NPR3: variants seen among roughly 807,000 people sequenced by gnomAD.
The protein encoded by NPR3 is atrial natriuretic peptide receptor 3.
Under a neutral mutation model 54.5 loss-of-function variants are expected in NPR3, and 34 were observed. The observed-to-expected ratio is 0.62, with a 90% CI of 0.47 to 0.83. The LOEUF (loss-of-function observed/expected upper bound fraction) is 0.83. NPR3 is among the 40% of genes least tolerant of loss of function. The probability of loss-of-function intolerance (pLI) is 0.00; values close to 1 mark genes in which losing one functional copy is unlikely to be tolerated. For synonymous variants in NPR3, 289 were observed against 297.1 expected, an observed-to-expected ratio of 0.97 and a Z score of 0.28; for missense variants, 674 against 720.8, an observed-to-expected ratio of 0.94 and a Z score of 0.74.
chr5:32,769,868 A>G (rs907347735), intron 3 of NPR3, among the ~76,000 whole-genome samples: 2 of 152,230 alleles, frequency 1.3e-5, no homozygotes, highest in African/African-American at 4.8e-5. Flanking sequence ...TGAGGGATTC[A>G]TCTAACTATG....
chr5:32,699,034 T>C (rs945323974), intron 1 of NPR3, among the ~76,000 whole-genome samples: 8 of 152,210 alleles, frequency 5.3e-5, no homozygotes, highest in African/African-American at 1.7e-4. Flanking sequence ...TCTGGTTATT[T>C]TGTGGTTTTC....
At chr5:32,762,263 T>G (rs1481871425) in intron 3 of NPR3, among the ~76,000 whole-genome samples, 2 of 152,062 alleles carry the variant, frequency 1.3e-5, no homozygotes, top group Non-Finnish European at 2.9e-5. Flanking sequence ...TACATGTGCA[T>G]GTGTCTTTAT....
intron 3 of NPR3, among the ~76,000 whole-genome samples, chr5:32,773,984 T>C (rs1741903483): frequency 6.6e-6 from 1 of 152,222 alleles, no homozygotes; most frequent in Admixed American, 6.5e-5. Context: ...TTAAGTTTCC[T>C]GAGGGCAAGG....
At chr5:32,724,464 GGTGTCTCATGAGTCT>G (rs1431026742) in intron 1 of NPR3, among the ~76,000 whole-genome samples, 1 of 152,310 alleles carries the variant, frequency 6.6e-6, no homozygotes, top group East Asian at 1.9e-4. Context: ...TGTTATTCCA[GGTGTCTCATGAGTCT>G]GTGTTCCCAT....
At chr5:32,741,954 G>T (rs1047386832) in intron 3 of NPR3, among the ~76,000 whole-genome samples, 1 of 151,448 alleles carries the variant, frequency 6.6e-6, no homozygotes, top group Non-Finnish European at 1.5e-5. Flanking sequence ...GAGTGATCCT[G>T]GTAAGTATCA....
rs1005099347 is a variant in NPR3, at chr5:32,747,743, G to A, written c.1059+8713G>A. On this transcript the variant is annotated intron_variant, in intron 3 of 7. Transcript: ENST00000265074. ...TAAATTTCCCCGTGGTTTTGAAGAAGAAAGGAGGCATGCATTTTTTTTTTT... is the reference window on the plus strand; with the variant it reads ...TAAATTTCCCCGTGGTTTTGAAGAAAAAAGGAGGCATGCATTTTTTTTTTT... Among the ~76,000 whole-genome samples, 10 of 149,888 alleles carry A rather than the reference G, an allele frequency of 6.7e-5. No individual in the cohort carries two copies. The Middle Eastern group carries it at 0.011, about 158-fold the overall frequency.
At chr5:32,785,755 G>C (rs1231706563) in intron 7 of NPR3, among the ~76,000 whole-genome samples, 1 of 152,186 alleles carries the variant, frequency 6.6e-6, no homozygotes, top group Non-Finnish European at 1.5e-5. Context: ...CCCCGTGAGG[G>C]TGGCCCATTC....
At position 32,713,838 on chromosome 5, in the gene NPR3, G is replaced by C. The variant is rs920693585; in HGVS notation, c.769+1293G>C. On this transcript the variant is annotated intron_variant, in intron 1 of 7. Coordinates refer to ENST00000265074, the MANE Select transcript of NPR3 (RefSeq NM_001204375.2). ...GACTCACCCTTTAGAGCAAAGAGGCGAGAGGTGTTTGACAGTGGGAATGCA... is the reference window on the plus strand; with the variant it reads ...GACTCACCCTTTAGAGCAAAGAGGCCAGAGGTGTTTGACAGTGGGAATGCA... 2.6e-5 allele frequency among the ~76,000 whole-genome samples: 4 copies of C among 152,240 alleles called. No individual in the cohort carries two copies. In the East Asian group the frequency reaches 7.7e-4, roughly 29 times the overall value.
At chr5:32,759,656 G>A (rs966126060) in intron 3 of NPR3, among the ~76,000 whole-genome samples, 4 of 152,052 alleles carry the variant, frequency 2.6e-5, no homozygotes, top group African/African-American at 9.7e-5. Context: ...TATTATGTTA[G>A]CTGGTTATTT....
rs531587107 is a variant in NPR3, at chr5:32,761,629, A to G, written c.1060-13079A>G. On this transcript the variant is annotated intron_variant, in intron 3 of 7. Coordinates refer to ENST00000265074, the MANE Select transcript of NPR3 (RefSeq NM_001204375.2). ...TGTCTAGTGACTATTTCCTTTTTCAATATTGTACTTTTCAGTTCTATAATT... is the reference window on the plus strand; with the variant it reads ...TGTCTAGTGACTATTTCCTTTTTCAGTATTGTACTTTTCAGTTCTATAATT... Among the ~76,000 whole-genome samples the G allele has an allele frequency of 9.9e-5, 15 of 151,084 alleles. No individual in the cohort carries two copies. In the East Asian group the frequency reaches 2.3e-3, roughly 23 times the overall value.
chr5:32,716,504 A>C (rs1001702415), intron 1 of NPR3: 26 of 442,666 alleles, frequency 5.9e-5, no homozygotes, highest in Non-Finnish European at 1.1e-4. Flanking sequence ...GTTGTGCCAA[A>C]ATTTTTCTCA....
intron 3 of NPR3, 81 bp from the exon 4 acceptor site, chr5:32,774,627 T>C (rs969688077): frequency 9.4e-7 from 1 of 1,066,134 alleles, no homozygotes; most frequent in African/African-American, 1.5e-5. Flanking sequence ...GTCTAACTTG[T>C]TAACGCTTTG....
intron 3 of NPR3, among the ~76,000 whole-genome samples, chr5:32,762,825 C>A (rs1741249568): frequency 6.6e-6 from 1 of 152,116 alleles, no homozygotes; most frequent in Non-Finnish European, 1.5e-5. Flanking sequence ...TGCAGAAGGT[C>A]TTCAGTTTGA....
chr5:32,784,865 T>A lies in NPR3; in HGVS notation c.1496T>A (p.Met499Lys), dbSNP rs1323427549. Residue 499 changes from methionine (M) to lysine (K), a missense_variant, in exon 7 of 8, where the codon ATG (methionine) becomes AAG (lysine). Transcript: ENST00000265074. The stretch of plus-strand genomic sequence containing the variant: ...GCTTTACTAGGAGCTGGCTTGCTAA[T>A]GGCCTTCTACTTTTTCAGGTGAGGA... ...VGALLGAGLL[M>K]AFYFFRKKYR... The A allele has an allele frequency of 3.1e-6, 5 of 1,613,678 alleles. No individual in the cohort carries two copies. In the Admixed American group the frequency reaches 6.7e-5, roughly 22 times the overall value.
chr5:32,761,822 T>C (rs1741180357), intron 3 of NPR3, among the ~76,000 whole-genome samples: 1 of 152,080 alleles, frequency 6.6e-6, no homozygotes, highest in Admixed American at 6.6e-5. Context: ...CTTTAAGTTC[T>C]GGGATACATA....
At chr5:32,757,995 C>T (rs562070607) in intron 3 of NPR3, among the ~76,000 whole-genome samples, 30 of 152,240 alleles carry the variant, frequency 2.0e-4, no homozygotes, top group East Asian at 5.8e-4. Flanking sequence ...CTGCTGGATT[C>T]GGTTTGCCAG....
rs368702300 is a variant in NPR3 at position 32,726,601 on chromosome 5, G to A, written c.892+1781G>A. Among the ~76,000 whole-genome samples, 17 of 152,318 alleles carry A rather than the reference G, an allele frequency of 1.1e-4. No homozygotes were observed. The East Asian group carries it at 3.1e-3, about 28-fold the overall frequency. On this transcript the variant is annotated intron_variant, in intron 2 of 7. Transcript: ENST00000265074. ...GCAAGTTGGCAACTACAAATACAGA[G>A]TTTAGAGGCAGTGCATGTGAATTTA...
chr5:32,712,085 C>G lies in NPR3; in HGVS notation c.309C>G (p.Tyr103Ter). Residue 103 changes from tyrosine (Y) to a stop codon, truncating the protein, a stop_gained, in exon 1 of 8, where the codon TAC becomes TAG. Coordinates refer to ENST00000265074, the MANE Select transcript of NPR3 (RefSeq NM_001204375.2). LOFTEE classifies it high-confidence loss of function. ...LPPGTRFQVA[Y>*]EDSDCGNRAL... is the part of the protein sequence containing the mutation. ...CGGGCACTCGCTTCCAGGTGGCTTA[C>G]GAGGATTCAGACTGTGGGAACCGTG... The G allele has an allele frequency of 6.2e-7, 1 of 1,613,814 alleles. No individual in the cohort carries two copies. The highest frequency in any genetic ancestry group is 8.5e-7 in the Non-Finnish European group (1 of 1,179,812).
intron 1 of NPR3, among the ~76,000 whole-genome samples, chr5:32,693,138 T>C (rs895207329): frequency 2.6e-5 from 4 of 152,080 alleles, no homozygotes; most frequent in African/African-American, 9.7e-5. Context: ...AAAAGGGATC[T>C]TTGATCTCTT....
Sources: allele counts gnomAD v4.1 joint callset (sites outside exome capture counted in the v4.1 genomes callset), GRCh38; gene constraint gnomAD v4.1.1; transcripts MANE v1.5; gene names NCBI Gene and HGNC (gene_info 2026-07-23, HGNC 2026-07-21).